ADCY5: variants seen among roughly 807,000 people sequenced by gnomAD.
ADCY5 encodes adenylate cyclase type 5.
ADCY5 carries 30 observed loss-of-function variants against 119.7 expected under a neutral mutation model. That is an observed-to-expected ratio of 0.25 (90% CI 0.19 to 0.34). The LOEUF is 0.34. ADCY5 is among the 10% of genes least tolerant of loss of function. ADCY5 has a pLI of 1.00. For missense variants in ADCY5, 1,324 were observed against 1,775.2 expected (o/e 0.75, Z 4.57); for synonymous variants, 753 against 762.2 (o/e 0.99, Z 0.20).
intron 15 of ADCY5, 28 bp from the exon 16 acceptor site, chr3:123,297,410 C>T: frequency 6.2e-7 from 1 of 1,612,838 alleles, no homozygotes; most frequent in Non-Finnish European, 8.5e-7. Context: ...GAAGACTGGT[C>T]AGGGCCACCC....
chr3:123,308,691 T>C (rs541674169), intron 12 of ADCY5, among the ~76,000 whole-genome samples: 4 of 152,212 alleles, frequency 2.6e-5, no homozygotes, highest in South Asian at 2.1e-4. Flanking sequence ...TAGCCGGGCT[T>C]GGTGGCAGGC....
intron 1 of ADCY5, among the ~76,000 whole-genome samples, chr3:123,404,883 A>G (rs932158550): frequency 6.6e-6 from 1 of 152,228 alleles, no homozygotes; most frequent in African/African-American, 2.4e-5. Context: ...TTTCTGTTTT[A>G]TTCTATCTAT....
At chr3:123,328,171 C>T (rs1368425617) in intron 6 of ADCY5, among the ~76,000 whole-genome samples, 1 of 152,222 alleles carries the variant, frequency 6.6e-6, no homozygotes, top group African/African-American at 2.4e-5. Flanking sequence ...CCCTAAAAGG[C>T]CATCGGCTCT....
chr3:123,376,432 G>A (rs912380618), intron 1 of ADCY5, among the ~76,000 whole-genome samples: 3 of 152,084 alleles, frequency 2.0e-5, no homozygotes, highest in Non-Finnish European at 4.4e-5. Flanking sequence ...TTTCTTCAAG[G>A]AGGAGCATAT....
intron 11 of ADCY5, among the ~76,000 whole-genome samples, chr3:123,314,740 C>T (rs1324964289): frequency 6.6e-6 from 1 of 152,196 alleles, no homozygotes; most frequent in African/African-American, 2.4e-5. Flanking sequence ...ACTCACAGCT[C>T]CATAAATAAC....
intron 19 of ADCY5, among the ~76,000 whole-genome samples, chr3:123,288,307 C>T (rs1016617715): frequency 1.3e-5 from 2 of 152,132 alleles, no homozygotes; most frequent in African/African-American, 2.4e-5. Context: ...ACTGAAATGC[C>T]GGTACTTTTG....
chr3:123,408,453 C>A (rs1329202285), intron 1 of ADCY5, among the ~76,000 whole-genome samples: 1 of 142,560 alleles, frequency 7.0e-6, no homozygotes. Context: ...GTCAGGAGTT[C>A]GAGACCAGCC....
chr3:123,374,792 T>C (rs1196931445), intron 1 of ADCY5, among the ~76,000 whole-genome samples: 1 of 152,114 alleles, frequency 6.6e-6, no homozygotes, highest in Non-Finnish European at 1.5e-5. Flanking sequence ...ATGAATCCAA[T>C]AGATTCTATA....
intron 1 of ADCY5, among the ~76,000 whole-genome samples, chr3:123,420,977 G>A (rs182214618): frequency 2.6e-5 from 4 of 152,194 alleles, no homozygotes; most frequent in Admixed American, 2.0e-4. Context: ...TTGCCTCTGC[G>A]TATGTCTGTC....
At chr3:123,357,328 C>A (rs1360974187) in intron 1 of ADCY5, among the ~76,000 whole-genome samples, 1 of 152,046 alleles carries the variant, frequency 6.6e-6, no homozygotes, top group African/African-American at 2.4e-5. Flanking sequence ...GTGGCCTTCC[C>A]TCTTTCTGAG....
chr3:123,327,793 A>G, intron 6 of ADCY5, 34 bp from the exon 7 acceptor site: 1 of 1,610,484 alleles, frequency 6.2e-7, no homozygotes, highest in South Asian at 1.1e-5. Flanking sequence ...TGGAGAGGGC[A>G]GAAAACTCAA....
intron 1 of ADCY5, among the ~76,000 whole-genome samples, chr3:123,434,477 G>A (rs1167929058): frequency 1.3e-5 from 2 of 152,210 alleles, no homozygotes. Flanking sequence ...TATCTCCTGG[G>A]CCTCTAGGCC....
At chr3:123,290,427 G>A (rs72962494) in intron 18 of ADCY5, among the ~76,000 whole-genome samples, 1,648 of 152,314 alleles carry the variant, frequency 0.011, 31 homozygotes, top group African/African-American at 0.037. Flanking sequence ...GCCTGGCCAA[G>A]CTCCATCATC....
chr3:123,433,359 T>G (rs769973199), intron 1 of ADCY5, among the ~76,000 whole-genome samples: 1 of 152,142 alleles, frequency 6.6e-6, no homozygotes, highest in Non-Finnish European at 1.5e-5. Flanking sequence ...GCAGATGGAT[T>G]CCTTCCACTC....
At chr3:123,298,625 C>A (rs1939657276) in intron 15 of ADCY5, among the ~76,000 whole-genome samples, 1 of 152,132 alleles carries the variant, frequency 6.6e-6, no homozygotes, top group South Asian at 2.1e-4. Flanking sequence ...GGCGACACCA[C>A]CTTCCCAAGA....
chr3:123,405,605 A>AT (rs1227662217), intron 1 of ADCY5, among the ~76,000 whole-genome samples: 9 of 152,010 alleles, frequency 5.9e-5, no homozygotes, highest in Admixed American at 5.9e-4. Flanking sequence ...ATTTTATTTT[A>AT]TTTATTTTAT....
chr3:123,385,308 C>CACACACACACACACACACAT (rs146236659), intron 1 of ADCY5, among the ~76,000 whole-genome samples: 5 of 147,214 alleles, frequency 3.4e-5, no homozygotes, highest in African/African-American at 1.2e-4. Context: ...CACACACACA[C>CACACACACACACACACACAT]ACGCACGCAC....
Position 123,347,806 on chromosome 3 carries a change from T to C in ADCY5, c.1382A>G (p.Tyr461Cys). 6.2e-7 allele frequency: 1 copy of C among 1,614,118 alleles called. No individual in the cohort carries two copies. Among genetic ancestry groups the C allele is most frequent in the Non-Finnish European group, 8.5e-7 (1 of 1,179,984 alleles). ...KQEDMMFHKI[Y>C]IQKHDNVSIL... ...CCTCACGTTGTCATGTTTCTGGATG[T>C]AAATCTTATGGAACATCATATCCTC... The change falls in exon 3 of 21, where the codon TAC (tyrosine) becomes TGC (cysteine). Residue 461 changes from tyrosine (Y) to cysteine (C), a missense_variant. Tyr to Cys is a radical substitution (Grantham distance 194, BLOSUM62 -2). This residue lies in a region of ADCY5 where 123 missense variants were observed against 287.9 expected (regional missense o/e 0.43). Transcript: ENST00000462833.
intron 7 of ADCY5, among the ~76,000 whole-genome samples, chr3:123,327,235 G>A (rs1463966243): frequency 6.6e-6 from 1 of 152,172 alleles, no homozygotes. Context: ...GATGGACACC[G>A]ATCTATGGAT....
Sources: allele counts gnomAD v4.1 joint callset (sites outside exome capture counted in the v4.1 genomes callset), GRCh38; gene constraint gnomAD v4.1.1; regional missense constraint gnomAD v4.1.1; transcripts MANE v1.5; gene names NCBI Gene and HGNC (gene_info 2026-07-23, HGNC 2026-07-21).